SLC39A11: variants seen among roughly 807,000 people sequenced by gnomAD.
The protein encoded by SLC39A11 is zinc transporter ZIP11.
SLC39A11 carries 33 observed loss-of-function variants against 36.1 expected under a neutral mutation model. That is an observed-to-expected ratio of 0.91 (90% CI 0.69 to 1.22). The LOEUF (loss-of-function observed/expected upper bound fraction) is 1.22, where lower values mean the gene tolerates loss of function less well. Ranked by LOEUF, SLC39A11 falls within the 50% of genes most tolerant of loss-of-function variation. SLC39A11 has a pLI of 0.00. For missense variants in SLC39A11, 432 were observed against 430.3 expected, an observed-to-expected ratio of 1.00 and a Z score of -0.03; for synonymous variants, 166 against 170.3, an observed-to-expected ratio of 0.97 and a Z score of 0.20.
intron 7 of SLC39A11, among the ~76,000 whole-genome samples, chr17:72,732,243 G>C (rs974970310): frequency 6.6e-6 from 1 of 151,366 alleles, no homozygotes; most frequent in South Asian, 2.1e-4. Flanking sequence ...TTGAATTCCC[G>C]ACCTCGAGGG....
At chr17:73,001,762 A>G (rs1357912674) in intron 4 of SLC39A11, among the ~76,000 whole-genome samples, 3 of 152,148 alleles carry the variant, frequency 2.0e-5, no homozygotes, top group Admixed American at 1.3e-4. Flanking sequence ...GATTTCTGCA[A>G]TGTGAGGAGG....
chr17:72,791,198 G>C (rs111887341), intron 6 of SLC39A11, among the ~76,000 whole-genome samples: 260 of 152,294 alleles, frequency 1.7e-3, no homozygotes, highest in African/African-American at 4.7e-3. Flanking sequence ...CTCATGCCTG[G>C]ATTCCCAACA....
intron 5 of SLC39A11, among the ~76,000 whole-genome samples, chr17:72,867,356 C>T (rs1334913806): frequency 2.0e-5 from 3 of 151,956 alleles, no homozygotes; most frequent in African/African-American, 7.3e-5. Context: ...AAAAATCAGC[C>T]GAGCATGGTG....
chr17:73,077,597 G>T (rs1346794638), intron 3 of SLC39A11, among the ~76,000 whole-genome samples: 2 of 152,102 alleles, frequency 1.3e-5, no homozygotes, highest in African/African-American at 4.8e-5. Context: ...CAAAGTGCTG[G>T]GATTATAGGT....
chr17:72,883,092 G>A (rs771729908), intron 5 of SLC39A11, among the ~76,000 whole-genome samples: 5 of 152,244 alleles, frequency 3.3e-5, no homozygotes, highest in African/African-American at 1.2e-4. Context: ...CACCGTGCCA[G>A]GCCGAGAAAA....
intron 5 of SLC39A11, among the ~76,000 whole-genome samples, chr17:72,931,608 C>G (rs1396988326): frequency 2.0e-5 from 3 of 152,212 alleles, no homozygotes; most frequent in African/African-American, 7.2e-5. Flanking sequence ...CTGCCCGGCC[C>G]CCTCCCCAGG....
chr17:72,718,446 A>G (rs1483799339), intron 7 of SLC39A11, among the ~76,000 whole-genome samples: 3 of 152,184 alleles, frequency 2.0e-5, no homozygotes, highest in African/African-American at 7.2e-5. Context: ...CTCAGGGGAA[A>G]AAAAGTGTCT....
Position 72,729,817 on chromosome 17 carries a change from G to T in SLC39A11, c.671+6833C>A, listed in dbSNP as rs368286400. Among the ~76,000 whole-genome samples, 5 of 152,106 alleles carry T rather than the reference G, an allele frequency of 3.3e-5. No individual in the cohort carries two copies. In the East Asian group the frequency reaches 5.8e-4, roughly 18 times the overall value. On this transcript the variant is annotated intron_variant, in intron 7 of 9. Coordinates refer to ENST00000255559, the MANE Select transcript of SLC39A11 (RefSeq NM_139177.4). ...AGCCCTTGAGAGGAGCAAAAAGCTT[G>T]CCTGTCTTCTACTGGTTTCTTGGTC...
chr17:73,037,965 A>G (rs1185134767), intron 3 of SLC39A11, among the ~76,000 whole-genome samples: 1 of 152,232 alleles, frequency 6.6e-6, no homozygotes, highest in Non-Finnish European at 1.5e-5. Flanking sequence ...GCTTACGCCC[A>G]TAATCCAAGC....
intron 6 of SLC39A11, among the ~76,000 whole-genome samples, chr17:72,804,886 G>C (rs2077201446): frequency 6.6e-6 from 1 of 152,138 alleles, no homozygotes; most frequent in Non-Finnish European, 1.5e-5. Flanking sequence ...CAGGCGTGGT[G>C]GCGTGCACCT....
At chr17:72,971,296 C>T (rs749513819) in intron 4 of SLC39A11, among the ~76,000 whole-genome samples, 2 of 151,598 alleles carry the variant, frequency 1.3e-5, no homozygotes, top group Non-Finnish European at 2.9e-5. Flanking sequence ...TGCACCACTG[C>T]TCACCCCCTC....
intron 6 of SLC39A11, among the ~76,000 whole-genome samples, chr17:72,839,907 C>T (rs1324214076): frequency 6.6e-6 from 1 of 152,178 alleles, no homozygotes; most frequent in Admixed American, 6.5e-5. Context: ...GTGCTGCAGA[C>T]ATTAACGTTT....
chr17:72,650,871 C>T (rs1486340261), intron 7 of SLC39A11, among the ~76,000 whole-genome samples: 1 of 152,184 alleles, frequency 6.6e-6, no homozygotes, highest in Non-Finnish European at 1.5e-5. Flanking sequence ...ACACTCGTGG[C>T]CCTGAAGGTC....
intron 6 of SLC39A11, among the ~76,000 whole-genome samples, chr17:72,795,118 A>G (rs2076854134): frequency 6.6e-6 from 1 of 152,092 alleles, no homozygotes; most frequent in Non-Finnish European, 1.5e-5. Flanking sequence ...CTGCTGTATA[A>G]CATCTTCCCT....
At chr17:72,754,020 GTATA>G (rs58028460) in intron 6 of SLC39A11, among the ~76,000 whole-genome samples, 43,153 of 107,778 alleles carry the variant, frequency 0.4, 9,330 homozygotes, top group Non-Finnish European at 0.51. Flanking sequence ...ATGTATATAT[GTATA>G]TATATATATA....
chr17:72,730,813 T>C (rs2143835090), intron 7 of SLC39A11, among the ~76,000 whole-genome samples: 1 of 152,282 alleles, frequency 6.6e-6, no homozygotes, highest in East Asian at 1.9e-4. Flanking sequence ...ATGCACACCA[T>C]GATGCCTAGA....
intron 4 of SLC39A11, among the ~76,000 whole-genome samples, chr17:72,993,686 T>C (rs552544546): frequency 6.6e-6 from 1 of 152,354 alleles, no homozygotes; most frequent in East Asian, 1.9e-4. Flanking sequence ...GTTGATTCTG[T>C]ACAGCTATGG....
intron 6 of SLC39A11, among the ~76,000 whole-genome samples, chr17:72,779,092 A>C (rs1484487419): frequency 2.6e-5 from 4 of 152,198 alleles, no homozygotes; most frequent in African/African-American, 9.7e-5. Flanking sequence ...CAGCACAAGA[A>C]AAAGATTTTC....
At chr17:72,919,725 C>A (rs1305960361) in intron 5 of SLC39A11, among the ~76,000 whole-genome samples, 2 of 150,880 alleles carry the variant, frequency 1.3e-5, no homozygotes, top group Non-Finnish European at 2.9e-5. Context: ...AAGCCAGAAC[C>A]CTCTGCCTGT....
Sources: allele counts gnomAD v4.1 joint callset (sites outside exome capture counted in the v4.1 genomes callset), GRCh38; gene constraint gnomAD v4.1.1; transcripts MANE v1.5; gene names NCBI Gene and HGNC (gene_info 2026-07-23, HGNC 2026-07-21).